ARVCF: variants seen among roughly 807,000 people sequenced by gnomAD.
ARVCF encodes ARVCF delta catenin family member.
In ARVCF, 66 loss-of-function variants were observed where a neutral mutation model predicts 90.9. That is an observed-to-expected ratio of 0.73 (90% CI 0.60 to 0.89). ARVCF has a LOEUF of 0.89. ARVCF is among the 40% of genes least tolerant of loss of function. ARVCF has a pLI of 0.00. For synonymous variants in ARVCF, 653 were observed against 603.4 expected, an observed-to-expected ratio of 1.08 and a Z score of -1.21; for missense variants, 1,469 against 1,382.3, an observed-to-expected ratio of 1.06 and a Z score of -1.00.
chr22:19,971,678 G>A (rs1413693305), intron 18 of ARVCF, among the ~76,000 whole-genome samples: 1 of 152,170 alleles, frequency 6.6e-6, no homozygotes, highest in Non-Finnish European at 1.5e-5. Flanking sequence ...GGTGTGGCCG[G>A]GCAGTGTTGT....
intron 3 of ARVCF, chr22:19,986,698 G>A (rs1943788137): frequency 4.7e-6 from 1 of 214,562 alleles, no homozygotes; most frequent in South Asian, 1.5e-4. Flanking sequence ...ACAGACAGAA[G>A]CCGCTCAGGA....
chr22:19,978,901 G>A lies in ARVCF; in HGVS notation c.1576C>T (p.Leu526=), dbSNP rs1244771347. 11 of 1,609,982 alleles carry A rather than the reference G, an allele frequency of 6.8e-6. No homozygotes were observed. The highest frequency in any genetic ancestry group is 9.3e-6 in the Non-Finnish European group (11 of 1,177,802). ...TTVFKNTSGC[L]RNVSSDGAEA... is the part of the protein sequence containing the mutation. The stretch of plus-strand genomic sequence containing the variant: ...AGCACCAGGTCTGGTCCACACCTCA[G>A]GCAGCCCGACGTGTTCTTGAAGACA... Residue 526 remains leucine (L), a synonymous_variant, in exon 7 of 20, where the codon CTG becomes TTG. Coordinates refer to ENST00000263207, the MANE Select transcript of ARVCF (RefSeq NM_001670.3).
At chr22:20,002,620 T>C (rs1293043058) in intron 2 of ARVCF, among the ~76,000 whole-genome samples, 1 of 152,102 alleles carries the variant, frequency 6.6e-6, no homozygotes, top group Non-Finnish European at 1.5e-5. Context: ...CCCAGAGAAG[T>C]AGTTTTAAGA....
intron 1 of ARVCF, 57 bp from the exon 2 acceptor site, chr22:20,010,565 G>A (rs41458445): frequency 0.093 from 14,094 of 152,236 alleles, 876 homozygotes; most frequent in Non-Finnish European, 0.14. Context: ...GGTCCCTGCC[G>A]GATAAAGGTA....
chr22:19,971,869 G>A lies in ARVCF; in HGVS notation c.2781+17C>T. On this transcript the variant is annotated intron_variant, in intron 18 of 19. Transcript: ENST00000263207. ...GGGCCTCACCGGGGACCTGCCCACA[G>A]CCACATGACCACTTACTTTCAAGGG... 1 of 1,613,022 alleles carries A rather than the reference G, an allele frequency of 6.2e-7. No individual in the cohort carries two copies. The highest frequency in any genetic ancestry group is 8.5e-7 in the Non-Finnish European group (1 of 1,179,730).
chr22:19,967,642 G>C (rs1243233189), downstream of ARVCF: 1 of 305,870 alleles, frequency 3.3e-6, no homozygotes. Context: ...TCGGATACCA[G>C]TGTTTCAAGG....
intron 2 of ARVCF, among the ~76,000 whole-genome samples, chr22:19,992,956 A>G (rs1944084063): frequency 6.6e-6 from 1 of 152,090 alleles, no homozygotes; most frequent in Admixed American, 6.6e-5. Context: ...AGGTGACCAA[A>G]CCCCACGATG....
intron 3 of ARVCF, among the ~76,000 whole-genome samples, chr22:19,988,121 C>T (rs568467284): frequency 6.6e-6 from 1 of 152,322 alleles, no homozygotes; most frequent in South Asian, 2.1e-4. Flanking sequence ...TCTCCGCAGA[C>T]CCCTCAGAAA....
At chr22:20,005,728 G>A (rs929094102) in intron 2 of ARVCF, among the ~76,000 whole-genome samples, 4 of 151,840 alleles carry the variant, frequency 2.6e-5, no homozygotes, top group South Asian at 2.1e-4. Context: ...CTTGGGAGGC[G>A]GAGCTTGCAG....
intron 1 of ARVCF, among the ~76,000 whole-genome samples, chr22:20,013,323 G>GA (rs1350434839): frequency 1.3e-5 from 2 of 152,196 alleles, no homozygotes; most frequent in African/African-American, 4.8e-5. Flanking sequence ...TGCACTTTTG[G>GA]GGCTACGCAG....
Position 19,970,594 on chromosome 22 carries a change from G to GGGGGC in ARVCF, c.*161_*162insGCCCC. 5.7e-6 allele frequency: 3 copies of GGGGGC among 525,200 alleles called. No individual in the cohort carries two copies. The highest frequency in any genetic ancestry group is 9.5e-6 in the Non-Finnish European group (3 of 317,060). 32.5% of individuals were successfully genotyped at this position (525,200 alleles called of 1,614,324 possible). Reference sequence around the variant, plus strand: ...AGGATGGGGGGAGTGGGGTGGGGGGGCAGGAGGGTGTCCCCAAAGTCAGGC... The same window carrying GGGGGC: ...AGGATGGGGGGAGTGGGGTGGGGGGGGGGGCCAGGAGGGTGTCCCCAAAGTCAGGC... On this transcript the variant is annotated 3_prime_UTR_variant, in exon 20 of 20. Coordinates refer to ENST00000263207, the MANE Select transcript of ARVCF (RefSeq NM_001670.3).
chr22:19,988,497 T>A (rs1000794656), intron 3 of ARVCF, among the ~76,000 whole-genome samples: 1 of 152,236 alleles, frequency 6.6e-6, no homozygotes, highest in Non-Finnish European at 1.5e-5. Context: ...TGGGTGGGCG[T>A]CAGCCCTGTT....
chr22:19,995,561 C>G (rs561640259), intron 2 of ARVCF, among the ~76,000 whole-genome samples: 1 of 152,316 alleles, frequency 6.6e-6, no homozygotes, highest in African/African-American at 2.4e-5. Flanking sequence ...TTCCCTGAAA[C>G]CAAAGCTGAC....
At chr22:20,015,720 TAGAC>T (rs953935891) in intron 1 of ARVCF, among the ~76,000 whole-genome samples, 11 of 152,108 alleles carry the variant, frequency 7.2e-5, no homozygotes, top group African/African-American at 2.4e-4. Context: ...CTGAGGTTAT[TAGAC>T]AGCAGCATTA....
downstream of ARVCF, among the ~76,000 whole-genome samples, chr22:19,966,608 T>G (rs1287479373): frequency 6.6e-6 from 1 of 151,836 alleles, no homozygotes; most frequent in African/African-American, 2.4e-5. Flanking sequence ...ACCTGGCTAA[T>G]TTAAAAATTT....
chr22:19,967,370 T>C, downstream of ARVCF: 1 of 499,312 alleles, frequency 2.0e-6, no homozygotes, highest in Non-Finnish European at 3.9e-6. Flanking sequence ...GTTCTACGTC[T>C]TTTCAGCTGA....
intron 2 of ARVCF, among the ~76,000 whole-genome samples, chr22:20,001,475 C>T (rs541736362): frequency 1.1e-4 from 16 of 152,310 alleles, no homozygotes; most frequent in South Asian, 2.1e-4. Context: ...AGGTTAAAGA[C>T]GGTGTTCAAC....
At chr22:19,987,188 G>C (rs1043719648) in intron 3 of ARVCF, 9 of 412,674 alleles carry the variant, frequency 2.2e-5, no homozygotes, top group East Asian at 3.7e-5. Flanking sequence ...GCTCAGGCTC[G>C]GCGGACTCGC....
At chr22:19,971,842 C>T (rs1569144322) in intron 18 of ARVCF, 44 bp downstream of exon 18, 2 of 1,601,720 alleles carry the variant, frequency 1.2e-6, no homozygotes, top group East Asian at 2.2e-5. Context: ...CCCCTAGACA[C>T]GGGGCCTCAC....
Sources: allele counts gnomAD v4.1 joint callset (sites outside exome capture counted in the v4.1 genomes callset), GRCh38; gene constraint gnomAD v4.1.1; transcripts MANE v1.5; gene names NCBI Gene and HGNC (gene_info 2026-07-23, HGNC 2026-07-21).